The following TENM3 variants were observed in gnomAD, a reference collection of about 807,000 sequenced individuals.
TENM3 encodes teneurin transmembrane protein 3.
In TENM3, 63 loss-of-function variants were observed where a neutral mutation model predicts 255.1. The ratio of observed to expected loss-of-function variants is 0.25; its 90% confidence interval spans 0.20 to 0.30. The LOEUF (loss-of-function observed/expected upper bound fraction) is 0.30. Ranked by LOEUF, TENM3 falls within the 10% of genes least tolerant of loss-of-function variation. The probability of loss-of-function intolerance (pLI) is 1.00; values close to 1 mark genes in which losing one functional copy is unlikely to be tolerated. For missense variants in TENM3, 2,929 were observed against 3,461.1 expected, an observed-to-expected ratio of 0.85 and a Z score of 3.86; for synonymous variants, 1,306 against 1,322.3, an observed-to-expected ratio of 0.99 and a Z score of 0.27.
At chr4:181,631,643 ATTC>A in the TENM3 span, among the ~76,000 whole-genome samples, 3 of 152,072 alleles carry the variant, frequency 2.0e-5, no homozygotes, top group African/African-American at 7.2e-5. Context: ...CACCCAAGAC[ATTC>A]TTCTTTTTTA....
At chr4:182,335,901 C>T (rs894656944) in intron 2 of TENM3, among the ~76,000 whole-genome samples, 4 of 152,124 alleles carry the variant, frequency 2.6e-5, no homozygotes, top group Middle Eastern at 3.2e-3. Flanking sequence ...GAAATTCACA[C>T]GGTCAGTAAA....
chr4:182,148,369 A>G (rs1750102925), intron 1 of TENM3, among the ~76,000 whole-genome samples: 2 of 152,130 alleles, frequency 1.3e-5, no homozygotes, highest in African/African-American at 4.8e-5. Context: ...ATTGCTTCTC[A>G]TAATTAAAAC....
chr4:182,015,623 C>T, the TENM3 span, among the ~76,000 whole-genome samples: 8 of 151,906 alleles, frequency 5.3e-5, no homozygotes, highest in Non-Finnish European at 1.0e-4. Flanking sequence ...TGCAGTGGTG[C>T]GATCTTGGCT....
At chr4:181,984,992 C>T in the TENM3 span, among the ~76,000 whole-genome samples, 1 of 151,846 alleles carries the variant, frequency 6.6e-6, no homozygotes, top group Non-Finnish European at 1.5e-5. Flanking sequence ...CTGCACTGGC[C>T]AATAGTGACG....
intron 3 of TENM3, among the ~76,000 whole-genome samples, chr4:182,487,988 G>T (rs1734922253): frequency 6.6e-6 from 1 of 152,170 alleles, no homozygotes; most frequent in African/African-American, 2.4e-5. Context: ...TTTAAACCAG[G>T]TTTGCAAGAA....
the TENM3 span, among the ~76,000 whole-genome samples, chr4:181,575,956 T>C: frequency 6.8e-6 from 1 of 147,398 alleles, no homozygotes; most frequent in African/African-American, 2.6e-5. Context: ...TTTTGCTTTG[T>C]TAGGTTTTTT....
chr4:181,805,711 T>G, the TENM3 span, among the ~76,000 whole-genome samples: 5 of 152,138 alleles, frequency 3.3e-5, no homozygotes, highest in Non-Finnish European at 5.9e-5. Flanking sequence ...CAGCGGAACC[T>G]TAGCAAAGCT....
At chr4:181,493,709 A>G in the TENM3 span, among the ~76,000 whole-genome samples, 28 of 152,226 alleles carry the variant, frequency 1.8e-4, no homozygotes, top group Middle Eastern at 3.4e-3. Flanking sequence ...ACACTATTGC[A>G]CTCCAGCCTG....
At chr4:182,612,365 A>G (rs1284853324) in intron 4 of TENM3, among the ~76,000 whole-genome samples, 1 of 152,056 alleles carries the variant, frequency 6.6e-6, no homozygotes, top group Non-Finnish European at 1.5e-5. Context: ...ACAGAGTTTC[A>G]GCAGAAAGTA....
At chr4:182,284,294 C>T (rs1580010723) in intron 1 of TENM3, among the ~76,000 whole-genome samples, 1 of 152,082 alleles carries the variant, frequency 6.6e-6, no homozygotes, top group South Asian at 2.1e-4. Flanking sequence ...CATGACTCTA[C>T]GTTTGCAAGA....
chr4:182,602,846 T>C lies in TENM3; in HGVS notation c.749+1685T>C, dbSNP rs568070096. Among the ~76,000 whole-genome samples the C allele has an allele frequency of 1.2e-4, 18 of 152,344 alleles. No individual in the cohort carries two copies. In the South Asian group the frequency reaches 3.7e-3, roughly 32 times the overall value. On this transcript the variant is annotated intron_variant, in intron 4 of 27. Transcript: ENST00000511685. ...TGGAAAAAATTTATTAGGAAAAAAG[T>C]AATTTTCCAGTTGAGTCATCAGATT... is the stretch of plus-strand genomic sequence containing the variant.
intron 3 of TENM3, among the ~76,000 whole-genome samples, chr4:182,534,943 G>A (rs916530596): frequency 2.0e-5 from 3 of 152,174 alleles, no homozygotes; most frequent in Non-Finnish European, 2.9e-5. Context: ...ATACTATGTA[G>A]CACCTTGTCC....
the TENM3 span, among the ~76,000 whole-genome samples, chr4:181,702,053 G>C: frequency 2.2e-4 from 33 of 152,274 alleles, no homozygotes; most frequent in African/African-American, 7.7e-4. Context: ...TGGGCACTAT[G>C]CAAATGTTGC....
chr4:182,374,463 A>T (rs924480745), intron 3 of TENM3, among the ~76,000 whole-genome samples: 1 of 152,204 alleles, frequency 6.6e-6, no homozygotes, highest in Non-Finnish European at 1.5e-5. Context: ...GACATTATGA[A>T]ATCACATGAT....
chr4:182,347,588 G>A (rs62352288), intron 3 of TENM3, among the ~76,000 whole-genome samples: 5,020 of 152,062 alleles, frequency 0.033, 117 homozygotes, highest in Non-Finnish European at 0.052. Flanking sequence ...CCAAATAGCA[G>A]CTTTTTGTAT....
At chr4:181,888,618 G>GTGTGTGTGTGTGGA in the TENM3 span, among the ~76,000 whole-genome samples, 14 of 111,784 alleles carry the variant, frequency 1.3e-4, no homozygotes, top group African/African-American at 2.8e-4. Flanking sequence ...GTGTGTGTGT[G>GTGTGTGTGTGTGGA]GAAAGAGAGA....
At chr4:181,649,753 C>T in the TENM3 span, among the ~76,000 whole-genome samples, 1 of 152,140 alleles carries the variant, frequency 6.6e-6, no homozygotes, top group Non-Finnish European at 1.5e-5. Context: ...ATTCATTTTC[C>T]ATCACCTGGG....
rs556286592 is a variant in TENM3, at chr4:182,361,618, C to T, written c.511+14689C>T. ...GTATTGGTTATTCTAGTTATACATT[C>T]GTCTAAATTTTTTTCAAAGTTTTTA... On this transcript the variant is annotated intron_variant, in intron 3 of 27. Transcript: ENST00000511685. 6.6e-5 allele frequency among the ~76,000 whole-genome samples: 10 copies of T among 151,860 alleles called. No homozygotes were observed. The South Asian group carries it at 1.0e-3, about 16-fold the overall frequency.
At chr4:182,717,940 A>G (rs1473292470) in intron 13 of TENM3, among the ~76,000 whole-genome samples, 2 of 152,148 alleles carry the variant, frequency 1.3e-5, no homozygotes, top group Non-Finnish European at 2.9e-5. Flanking sequence ...AGGAAGTGCG[A>G]TCTGGAGTGG....
Sources: allele counts gnomAD v4.1 joint callset (sites outside exome capture counted in the v4.1 genomes callset), GRCh38; gene constraint gnomAD v4.1.1; transcripts MANE v1.5; gene names NCBI Gene and HGNC (gene_info 2026-07-23, HGNC 2026-07-21).